Variants in RASSF9 observed in about 807,000 individuals in gnomAD.
RASSF9 encodes Ras association domain family member 9, also known as ras association domain-containing protein 9.
Under a neutral mutation model 21.4 loss-of-function variants are expected in RASSF9, and 18 were observed. That is an observed-to-expected ratio of 0.84 (90% CI 0.58 to 1.25). The LOEUF (loss-of-function observed/expected upper bound fraction) is 1.25. Ranked by LOEUF, RASSF9 falls within the 50% of genes most tolerant of loss-of-function variation. The pLI is 0.00. For synonymous variants in RASSF9, 183 were observed against 179.1 expected (o/e 1.02, Z -0.18); for missense variants, 480 against 503.2 (o/e 0.95, Z 0.44).
At chr12:85,819,764 T>C (rs1298069088) in intron 1 of RASSF9, among the ~76,000 whole-genome samples, 5 of 152,222 alleles carry the variant, frequency 3.3e-5, no homozygotes, top group Non-Finnish European at 2.9e-5. Flanking sequence ...TAGTTCCCTG[T>C]CTGCTTTAGA....
intron 1 of RASSF9, among the ~76,000 whole-genome samples, chr12:85,829,784 C>G (rs1477006365): frequency 6.6e-6 from 1 of 152,116 alleles, no homozygotes; most frequent in Non-Finnish European, 1.5e-5. Context: ...ACCTACTCTA[C>G]AGAGGAATAG....
At chr12:85,811,297 G>A (rs1210737458) in intron 1 of RASSF9, among the ~76,000 whole-genome samples, 1 of 151,778 alleles carries the variant, frequency 6.6e-6, no homozygotes, top group African/African-American at 2.4e-5. Flanking sequence ...GAGACTGAAG[G>A]CAGATGATAA....
chr12:85,825,129 G>T (rs1242055788), intron 1 of RASSF9, among the ~76,000 whole-genome samples: 1 of 151,958 alleles, frequency 6.6e-6, no homozygotes, highest in East Asian at 1.9e-4. Flanking sequence ...CACCCTCCCT[G>T]GTAGCTAGGA....
Position 85,805,807 on chromosome 12 carries a change from C to G in RASSF9, c.203G>C (p.Arg68Pro), listed in dbSNP as rs200958553. Residue 68 changes from arginine to proline, a missense_variant, in exon 2 of 2, where the codon CGA becomes CCA. Transcript: ENST00000361228. The part of the protein sequence containing the change: ...EEHEATFGEK[R>P]FLLGKPSDYC... ...ATCACTGGGCTTCCCCAGAAGAAATCGTTTCTCTCCAAACGTAGCCTCATG... is the reference window on the plus strand; with the variant it reads ...ATCACTGGGCTTCCCCAGAAGAAATGGTTTCTCTCCAAACGTAGCCTCATG... The G allele has an allele frequency of 3.5e-4, 569 of 1,613,882 alleles. 5 individuals carry two copies. The highest frequency in any genetic ancestry group is 1.0e-3 in the South Asian group (94 of 91,086).
In RASSF9 at chr12:85,805,890, G is replaced by A; in HGVS notation, c.120C>T (p.Val40=). 6.2e-7 allele frequency: 1 copy of A among 1,613,962 alleles called. No homozygotes were observed. Among genetic ancestry groups the A allele is most frequent in the South Asian group, 1.1e-5 (1 of 91,080 alleles). ...AGGTGGTGCGTTTAGTCAGCCCACA[G>A]ACAAGCTTCTCTTCTTGGCAAACCC... ...VVWVCQEEKL[V]CGLTKRTTSA... The change falls in exon 2 of 2, where the codon GTC becomes GTT. Residue 40 remains valine, a synonymous_variant. Transcript: ENST00000361228.
intron 1 of RASSF9, among the ~76,000 whole-genome samples, chr12:85,809,049 G>T (rs1879894421): frequency 6.6e-6 from 1 of 152,026 alleles, no homozygotes; most frequent in Admixed American, 6.6e-5. Flanking sequence ...TAATTTAATT[G>T]TCACCATTCT....
intron 1 of RASSF9, among the ~76,000 whole-genome samples, chr12:85,834,245 C>T (rs1265047789): frequency 6.6e-6 from 1 of 151,942 alleles, no homozygotes; most frequent in Non-Finnish European, 1.5e-5. Context: ...GAGAAGCTTA[C>T]CCATATCCTT....
Position 85,804,622 on chromosome 12 carries a change from T to C in RASSF9, c.*80A>G. 1.5e-6 allele frequency: 2 copies of C among 1,316,996 alleles called. No homozygotes were observed. Among genetic ancestry groups the C allele is most frequent in the Admixed American group, 2.6e-5 (1 of 37,774 alleles). The allele number at this position is 1,316,996 out of a possible 1,614,324, so 81.6% of individuals were successfully genotyped here. ...ACAATATGATTTACATTTTTTTGAG[T>C]GTTATATTTAAAATGAGGTTTCCTA... On this transcript the variant is annotated 3_prime_UTR_variant, in exon 2 of 2. Coordinates refer to ENST00000361228, the MANE Select transcript of RASSF9 (RefSeq NM_005447.4).
chr12:85,806,780 G>A (rs1227717236), intron 1 of RASSF9, among the ~76,000 whole-genome samples: 1 of 151,458 alleles, frequency 6.6e-6, no homozygotes, highest in Non-Finnish European at 1.5e-5. Context: ...AGTGTGCTCT[G>A]GGAAGAGCAA....
chr12:85,813,060 C>T (rs1476555294), intron 1 of RASSF9, among the ~76,000 whole-genome samples: 3 of 151,808 alleles, frequency 2.0e-5, no homozygotes, highest in Non-Finnish European at 4.4e-5. Context: ...TAATGAGGCA[C>T]ATTTCACTGA....
At chr12:85,807,756 G>GA (rs922877705) in intron 1 of RASSF9, among the ~76,000 whole-genome samples, 6 of 151,954 alleles carry the variant, frequency 3.9e-5, no homozygotes, top group Admixed American at 2.6e-4. Context: ...GTTCTCTGGA[G>GA]AAAAAATGAC....
chr12:85,820,488 T>C (rs1880182587), intron 1 of RASSF9, among the ~76,000 whole-genome samples: 1 of 152,218 alleles, frequency 6.6e-6, no homozygotes, highest in Non-Finnish European at 1.5e-5. Flanking sequence ...TTTCTAAATG[T>C]ATTTGACCTT....
intron 1 of RASSF9, among the ~76,000 whole-genome samples, chr12:85,831,432 G>C (rs1194438783): frequency 1.3e-5 from 2 of 151,990 alleles, no homozygotes; most frequent in Non-Finnish European, 2.9e-5. Context: ...AGCTGGCTTA[G>C]ATTTTCTTGA....
At chr12:85,813,645 TC>T (rs1420073098) in intron 1 of RASSF9, among the ~76,000 whole-genome samples, 1 of 151,806 alleles carries the variant, frequency 6.6e-6, no homozygotes, top group Non-Finnish European at 1.5e-5. Context: ...GTCTGGAAAA[TC>T]AATCAAAGAG....
chr12:85,806,072 A>AT (rs113430296), intron 1 of RASSF9, 110 bp from the exon 2 acceptor site: 101,183 of 1,192,124 alleles, frequency 0.085, 4,910 homozygotes, highest in Middle Eastern at 0.14. Flanking sequence ...TGAGAGAGGC[A>AT]TTTTTTTTCT....
At chr12:85,835,760 C>G (rs995682053) in intron 1 of RASSF9, among the ~76,000 whole-genome samples, 1 of 152,104 alleles carries the variant, frequency 6.6e-6, no homozygotes, top group African/African-American at 2.4e-5. Context: ...TTAATTATTT[C>G]TACAATATTC....
chr12:85,817,122 T>A (rs1880088515), intron 1 of RASSF9, among the ~76,000 whole-genome samples: 1 of 152,130 alleles, frequency 6.6e-6, no homozygotes, highest in Non-Finnish European at 1.5e-5. Context: ...ATAATAAAGA[T>A]GTGTTTAATT....
intron 1 of RASSF9, among the ~76,000 whole-genome samples, chr12:85,812,193 C>A (rs1296183330): frequency 2.0e-5 from 3 of 151,680 alleles, no homozygotes; most frequent in African/African-American, 7.2e-5. Flanking sequence ...TATTATGCTA[C>A]AACTATATGT....
At position 85,805,223 on chromosome 12, in the gene RASSF9, T is replaced by C. The variant is rs1025511181; in HGVS notation, c.787A>G (p.Ser263Gly). 1 of 1,613,854 alleles carries C rather than the reference T, an allele frequency of 6.2e-7. No homozygotes were observed. Among genetic ancestry groups the C allele is most frequent in the Non-Finnish European group, 8.5e-7 (1 of 1,179,886 alleles). ...ENQTLEDLSE[S>G]DGIEQLEERL... ...TCTTCCAGCTGTTCAATTCCATCAC[T>C]TTCGCTCAGGTCCTCCAGAGTCTGG... is the stretch of plus-strand genomic sequence containing the variant. The change falls in exon 2 of 2, where the codon AGT becomes GGT. Residue 263 changes from serine (S) to glycine (G), a missense_variant. Transcript: ENST00000361228.
Sources: gnomAD v4.1 joint callset for allele counts (sites outside exome capture counted in the v4.1 genomes callset) on GRCh38, gnomAD v4.1.1 for gene constraint, MANE v1.5 for transcripts, NCBI Gene and HGNC (gene_info 2026-07-23, HGNC 2026-07-21) for gene names.